The following EYA1 variants were observed in gnomAD, a reference collection of about 807,000 sequenced individuals.
EYA1 encodes the protein protein phosphatase EYA1.
A neutral mutation model predicts 82.0 loss-of-function variants in EYA1; 16 were observed. That is an observed-to-expected ratio of 0.20 (90% CI 0.13 to 0.30). EYA1 has a LOEUF of 0.30. EYA1 is among the 10% of genes least tolerant of loss of function. The pLI, the probability that EYA1 is intolerant of heterozygous loss-of-function variation, is 1.00. For missense variants in EYA1, 633 were observed against 730.7 expected, an observed-to-expected ratio of 0.87 and a Z score of 1.54; for synonymous variants, 261 against 264.4, an observed-to-expected ratio of 0.99 and a Z score of 0.12.
chr8:71,487,266 A>C (rs1467787223), intron 2 of EYA1, among the ~76,000 whole-genome samples: 5 of 152,138 alleles, frequency 3.3e-5, no homozygotes, highest in Non-Finnish European at 7.4e-5. Flanking sequence ...GTTTAATTTA[A>C]TTACTGTGGG....
chr8:71,491,203 C>T (rs966086787), intron 2 of EYA1, among the ~76,000 whole-genome samples: 3 of 152,096 alleles, frequency 2.0e-5, no homozygotes, highest in African/African-American at 7.2e-5. Context: ...CTTCTGCTTC[C>T]TCATATATAA....
chr8:71,297,206 G>A (rs1586235316), intron 9 of EYA1, among the ~76,000 whole-genome samples: 1 of 151,960 alleles, frequency 6.6e-6, no homozygotes, highest in Non-Finnish European at 1.5e-5. Flanking sequence ...TTAAAACCAT[G>A]GACCGATTTT....
chr8:71,324,835 G>T (rs2129035828), intron 4 of EYA1, among the ~76,000 whole-genome samples: 1 of 152,128 alleles, frequency 6.6e-6, no homozygotes, highest in East Asian at 1.9e-4. Flanking sequence ...TTGCCTGTTG[G>T]TCTGTCCTGC....
intron 2 of EYA1, among the ~76,000 whole-genome samples, chr8:71,387,432 G>T (rs1197523651): frequency 1.3e-5 from 2 of 152,180 alleles, no homozygotes; most frequent in African/African-American, 4.8e-5. Context: ...AGAGAGAAAT[G>T]ATAGGTAGAA....
At chr8:71,539,424 T>C (rs1814974114) in intron 1 of EYA1, among the ~76,000 whole-genome samples, 1 of 152,162 alleles carries the variant, frequency 6.6e-6, no homozygotes, top group Non-Finnish European at 1.5e-5. Flanking sequence ...GTAGAGCGCC[T>C]GACTGACATT....
At chr8:71,400,805 T>G (rs1299338535) in intron 2 of EYA1, among the ~76,000 whole-genome samples, 2 of 152,164 alleles carry the variant, frequency 1.3e-5, no homozygotes, top group Non-Finnish European at 2.9e-5. Context: ...CAAAGGAATA[T>G]AAATCATTCT....
intron 2 of EYA1, among the ~76,000 whole-genome samples, chr8:71,416,051 G>A (rs1365008972): frequency 2.0e-5 from 3 of 152,172 alleles, no homozygotes; most frequent in African/African-American, 7.2e-5. Flanking sequence ...CTGTGCCGCA[G>A]GAGGCTGATC....
chr8:71,444,610 T>C (rs918092186), intron 2 of EYA1, among the ~76,000 whole-genome samples: 1 of 152,216 alleles, frequency 6.6e-6, no homozygotes, highest in African/African-American at 2.4e-5. Context: ...GGTACCAGGA[T>C]GAGAGGAGCA....
chr8:71,470,250 G>T (rs908871873), intron 2 of EYA1, among the ~76,000 whole-genome samples: 3 of 152,026 alleles, frequency 2.0e-5, no homozygotes, highest in South Asian at 4.1e-4. Context: ...AGGGAAAATT[G>T]CATATTTTGT....
At chr8:71,464,173 C>A (rs1047626018) in intron 2 of EYA1, among the ~76,000 whole-genome samples, 3 of 152,098 alleles carry the variant, frequency 2.0e-5, no homozygotes, top group African/African-American at 7.2e-5. Context: ...GCTTCCACAT[C>A]TTCTATTCTC....
At chr8:71,204,538 C>A (rs1249666224) in intron 17 of EYA1, among the ~76,000 whole-genome samples, 2 of 152,176 alleles carry the variant, frequency 1.3e-5, no homozygotes, top group African/African-American at 2.4e-5. Flanking sequence ...ATGTTCACCC[C>A]AGAGGACTGG....
chr8:71,259,302 A>T (rs140526339), intron 11 of EYA1, among the ~76,000 whole-genome samples: 1 of 152,268 alleles, frequency 6.6e-6, no homozygotes, highest in Admixed American at 6.5e-5. Context: ...CTTATTACAC[A>T]GATGCCAAAG....
intron 1 of EYA1, among the ~76,000 whole-genome samples, chr8:71,541,007 T>G (rs1815095308): frequency 6.6e-6 from 1 of 152,182 alleles, no homozygotes; most frequent in African/African-American, 2.4e-5. Context: ...ATAAATGACC[T>G]CCAGAGCCCT....
intron 2 of EYA1, among the ~76,000 whole-genome samples, chr8:71,443,761 TG>T (rs975046333): frequency 6.6e-6 from 1 of 152,214 alleles, no homozygotes; most frequent in Non-Finnish European, 1.5e-5. Context: ...TAAGCCCAGT[TG>T]GGTCCACCCT....
intron 2 of EYA1, among the ~76,000 whole-genome samples, chr8:71,500,585 A>G (rs1431649317): frequency 2.0e-5 from 3 of 152,186 alleles, no homozygotes; most frequent in Non-Finnish European, 2.9e-5. Flanking sequence ...ATCACCTCCC[A>G]TCAATCAGTA....
intron 9 of EYA1, among the ~76,000 whole-genome samples, chr8:71,273,021 A>G (rs1816733844): frequency 6.6e-6 from 1 of 152,220 alleles, no homozygotes; most frequent in African/African-American, 2.4e-5. Flanking sequence ...GTCAAACTGC[A>G]TGGTCTCAGA....
At chr8:71,200,537 G>A (rs961044971) in intron 17 of EYA1, among the ~76,000 whole-genome samples, 1 of 151,798 alleles carries the variant, frequency 6.6e-6, no homozygotes, top group Admixed American at 6.5e-5. Flanking sequence ...CTGGACTCAA[G>A]ACTATTTTGG....
chr8:71,478,918 G>C (rs188813280), intron 2 of EYA1, among the ~76,000 whole-genome samples: 1 of 152,132 alleles, frequency 6.6e-6, no homozygotes, highest in African/African-American at 2.4e-5. Context: ...CCATGCATCA[G>C]GTACTGCAGA....
chr8:71,345,921 G>C lies in EYA1; in HGVS notation c.124+8861C>G, dbSNP rs560708762. On this transcript the variant is annotated intron_variant, in intron 3 of 17. Transcript: ENST00000340726. The stretch of plus-strand genomic sequence containing the variant: ...TAAATTCTTGAACTTCATATCTGGA[G>C]CCCTTCATCATCATCTTTGGTGTCT... 6.6e-5 allele frequency among the ~76,000 whole-genome samples: 10 copies of C among 152,160 alleles called. No homozygotes were observed. The East Asian group carries it at 1.9e-3, about 29-fold the overall frequency.
Sources: gnomAD v4.1 joint callset for allele counts (sites outside exome capture counted in the v4.1 genomes callset) on GRCh38, gnomAD v4.1.1 for gene constraint, MANE v1.5 for transcripts, NCBI Gene and HGNC (gene_info 2026-07-23, HGNC 2026-07-21) for gene names.